Variants in RERE observed in about 807,000 individuals in gnomAD.
RERE encodes arginine-glutamic acid dipeptide repeats.
In RERE, 40 loss-of-function variants were observed where a neutral mutation model predicts 146.1. The observed-to-expected ratio is 0.27, with a 90% confidence interval of 0.21 to 0.36. RERE has a LOEUF of 0.36. Ranked by LOEUF, RERE falls within the 10% of genes least tolerant of loss-of-function variation. The probability of loss-of-function intolerance (pLI) is 1.00; values close to 1 mark genes in which losing one functional copy is unlikely to be tolerated. For synonymous variants in RERE, 1,003 were observed against 866.0 expected, an observed-to-expected ratio of 1.16 and a Z score of -2.78; for missense variants, 1,933 against 2,138.7, an observed-to-expected ratio of 0.90 and a Z score of 1.90.
intron 12 of RERE, among the ~76,000 whole-genome samples, chr1:8,418,095 C>T (rs899102544): frequency 2.0e-5 from 3 of 152,310 alleles, no homozygotes; most frequent in East Asian, 1.9e-4. Context: ...ATGTAAATGT[C>T]GTGCTGGCTC....
chr1:8,359,736 C>A (rs771521180), intron 19 of RERE, 28 bp downstream of exon 19: 1 of 1,595,824 alleles, frequency 6.3e-7, no homozygotes, highest in South Asian at 1.1e-5. Flanking sequence ...CAGCGCCCCC[C>A]GTCACACCTC....
intron 2 of RERE, among the ~76,000 whole-genome samples, chr1:8,640,764 A>C (rs1388900188): frequency 6.6e-6 from 1 of 152,210 alleles, no homozygotes; most frequent in Non-Finnish European, 1.5e-5. Context: ...TTAAGCATTC[A>C]CTTAAAAGAA....
intron 12 of RERE, among the ~76,000 whole-genome samples, chr1:8,381,501 A>T (rs906495057): frequency 6.6e-6 from 1 of 152,238 alleles, no homozygotes; most frequent in African/African-American, 2.4e-5. Context: ...GAAATTTGGA[A>T]ATCTTTCAGT....
chr1:8,688,058 T>TA (rs751697161), intron 1 of RERE, among the ~76,000 whole-genome samples: 1 of 152,148 alleles, frequency 6.6e-6, no homozygotes, highest in Non-Finnish European at 1.5e-5. Context: ...GGGTCTAACA[T>TA]ACGATTTTTT....
intron 1 of RERE, among the ~76,000 whole-genome samples, chr1:8,801,111 T>C (rs909431966): frequency 6.6e-6 from 1 of 151,776 alleles, no homozygotes; most frequent in Non-Finnish European, 1.5e-5. Flanking sequence ...ATACACAAAT[T>C]AGCCAGGTGT....
At chr1:8,649,214 A>G (rs535562865) in intron 2 of RERE, among the ~76,000 whole-genome samples, 14 of 152,224 alleles carry the variant, frequency 9.2e-5, no homozygotes, top group Non-Finnish European at 1.8e-4. Flanking sequence ...AAACAGGAGT[A>G]ATGGCTGACA....
chr1:8,816,753 G>A (rs1641919680), intron 1 of RERE, among the ~76,000 whole-genome samples: 1 of 152,104 alleles, frequency 6.6e-6, no homozygotes, highest in East Asian at 1.9e-4. Context: ...TTCCCCCAAT[G>A]AGAAAATGAT....
At chr1:8,503,420 T>G (rs746636014) in intron 8 of RERE, among the ~76,000 whole-genome samples, 1 of 152,168 alleles carries the variant, frequency 6.6e-6, no homozygotes, top group African/African-American at 2.4e-5. Flanking sequence ...AAAATCTATA[T>G]GCACAGGCTA....
chr1:8,591,602 G>C (rs994988285), intron 4 of RERE, among the ~76,000 whole-genome samples: 1 of 152,048 alleles, frequency 6.6e-6, no homozygotes, highest in Non-Finnish European at 1.5e-5. Flanking sequence ...TCCACAGGAC[G>C]ACAACTCCAG....
chr1:8,626,528 A>T (rs1010053977), intron 2 of RERE, among the ~76,000 whole-genome samples: 5 of 152,222 alleles, frequency 3.3e-5, no homozygotes, highest in African/African-American at 4.8e-5. Context: ...GGCTAATGAC[A>T]TCATGACCAT....
intron 1 of RERE, among the ~76,000 whole-genome samples, chr1:8,664,328 T>C (rs1638523067): frequency 6.6e-6 from 1 of 152,146 alleles, no homozygotes; most frequent in Non-Finnish European, 1.5e-5. Context: ...CCAACCAGTG[T>C]AGAAGTTCTG....
chr1:8,790,679 G>C (rs1046426313), intron 1 of RERE, among the ~76,000 whole-genome samples: 1 of 152,214 alleles, frequency 6.6e-6, no homozygotes, highest in Non-Finnish European at 1.5e-5. Flanking sequence ...CACCTCCCAG[G>C]TTCAAGCAAT....
chr1:8,361,628 G>T (rs1641585928), intron 17 of RERE, 135 bp downstream of exon 17: 2 of 1,359,990 alleles, frequency 1.5e-6, no homozygotes, highest in Non-Finnish European at 2.1e-6. Flanking sequence ...GTCGTGCCCT[G>T]ACCCAGCCAG....
At chr1:8,593,793 G>C (rs114085491) in intron 4 of RERE, among the ~76,000 whole-genome samples, 2 of 152,148 alleles carry the variant, frequency 1.3e-5, no homozygotes, top group South Asian at 4.1e-4. Context: ...TCCTATTGGT[G>C]AGCCACCATT....
At chr1:8,716,947 T>G (rs1422622020) in intron 1 of RERE, among the ~76,000 whole-genome samples, 1 of 152,140 alleles carries the variant, frequency 6.6e-6, no homozygotes, top group Non-Finnish European at 1.5e-5. Flanking sequence ...CTCCTGAAAT[T>G]TGGCCCCTCG....
At chr1:8,672,543 G>A (rs1414719989) in intron 1 of RERE, among the ~76,000 whole-genome samples, 2 of 152,184 alleles carry the variant, frequency 1.3e-5, no homozygotes, top group African/African-American at 4.8e-5. Context: ...TTCCAGCAAC[G>A]AGAGAAAATG....
chr1:8,440,834 T>G lies in RERE; in HGVS notation c.1204-18027A>C, dbSNP rs894617644. ...ATCGCTTGAACCCAGGAGGCGGAAG[T>G]TGCAGTGAACCAAGACCATGCCACT... On this transcript the variant is annotated intron_variant, in intron 11 of 22. Coordinates refer to ENST00000400908, the MANE Select transcript of RERE (RefSeq NM_001042681.2). Among the ~76,000 whole-genome samples the G allele has an allele frequency of 1.2e-4, 18 of 151,506 alleles. 1 individual carries two copies. The highest frequency in any genetic ancestry group is 2.5e-4 in the Non-Finnish European group (17 of 67,890).
chr1:8,532,407 T>A (rs534250358), intron 7 of RERE, among the ~76,000 whole-genome samples: 2 of 131,204 alleles, frequency 1.5e-5, no homozygotes, highest in East Asian at 6.4e-4. Context: ...TTTTTCTTTT[T>A]CTCTTTTATT....
At chr1:8,416,717 G>A (rs1643783721) in intron 12 of RERE, among the ~76,000 whole-genome samples, 1 of 152,016 alleles carries the variant, frequency 6.6e-6, no homozygotes, top group Non-Finnish European at 1.5e-5. Context: ...CCCTAATAGT[G>A]AAACTTTACA....
Sources: allele counts gnomAD v4.1 joint callset (sites outside exome capture counted in the v4.1 genomes callset), GRCh38; gene constraint gnomAD v4.1.1; transcripts MANE v1.5; gene names NCBI Gene and HGNC (gene_info 2026-07-23, HGNC 2026-07-21).